The following XYLT1 variants were observed in gnomAD, a reference collection of about 807,000 sequenced individuals.
XYLT1 encodes xylosyltransferase 1, also known as beta-D-xylosyltransferase 1.
In XYLT1, 36 loss-of-function variants were observed where a neutral mutation model predicts 91.3. The ratio of observed to expected loss-of-function variants is 0.39; its 90% confidence interval spans 0.30 to 0.52. XYLT1 has a LOEUF of 0.52. Among genes scored for constraint, XYLT1 ranks in the 20% least tolerant of loss-of-function variants. The probability of loss-of-function intolerance (pLI) is 0.68; values close to 1 mark genes in which losing one functional copy is unlikely to be tolerated. For missense variants in XYLT1, 1,242 were observed against 1,284.5 expected (o/e 0.97, Z 0.51); for synonymous variants, 588 against 532.0 (o/e 1.11, Z -1.45).
intron 2 of XYLT1, among the ~76,000 whole-genome samples, chr16:17,344,892 T>C (rs1005465057): frequency 3.3e-5 from 5 of 151,892 alleles, no homozygotes; most frequent in Non-Finnish European, 5.9e-5. Context: ...GTAGAGACGG[T>C]GTTTCACCAT....
At chr16:17,214,108 C>T (rs2032812063) in intron 3 of XYLT1, among the ~76,000 whole-genome samples, 1 of 152,178 alleles carries the variant, frequency 6.6e-6, no homozygotes, top group Non-Finnish European at 1.5e-5. Context: ...CTTGCATTTC[C>T]CAGTGCCCCC....
intron 10 of XYLT1, 89 bp from the exon 11 acceptor site, chr16:17,118,068 C>T: frequency 7.5e-7 from 1 of 1,331,066 alleles, no homozygotes; most frequent in South Asian, 1.5e-5. Context: ...TGTTAGCTTT[C>T]ATATACCCAT....
chr16:17,352,174 C>T (rs542603403), intron 2 of XYLT1, among the ~76,000 whole-genome samples: 7 of 152,216 alleles, frequency 4.6e-5, no homozygotes, highest in African/African-American at 9.6e-5. Flanking sequence ...GTCTCCTTGG[C>T]GGTCAAAATT....
At chr16:17,129,481 C>T (rs1283234348) in intron 9 of XYLT1, among the ~76,000 whole-genome samples, 4 of 152,092 alleles carry the variant, frequency 2.6e-5, no homozygotes, top group Non-Finnish European at 5.9e-5. Context: ...AGGCTGGTCT[C>T]AAACTCACTC....
chr16:17,183,183 G>A (rs115014838), intron 5 of XYLT1, among the ~76,000 whole-genome samples: 171 of 152,324 alleles, frequency 1.1e-3, no homozygotes, highest in African/African-American at 4.0e-3. Flanking sequence ...TCTGAGTCCT[G>A]GTGCTGTTCT....
intron 1 of XYLT1, among the ~76,000 whole-genome samples, chr16:17,400,525 G>C (rs1484927671): frequency 6.6e-6 from 1 of 151,504 alleles, no homozygotes; most frequent in East Asian, 1.9e-4. Context: ...GGGAGGCGGA[G>C]GTTACAGTGA....
intron 1 of XYLT1, among the ~76,000 whole-genome samples, chr16:17,366,510 T>C (rs1036514007): frequency 5.3e-5 from 8 of 152,052 alleles, no homozygotes; most frequent in Non-Finnish European, 5.9e-5. Flanking sequence ...GCCTGACCAA[T>C]ATGGTGAAAC....
In XYLT1 at chr16:17,158,990, A is replaced by G. The variant is rs1178355144; in HGVS notation, c.1290-81T>C. The G allele has an allele frequency of 3.1e-6, 4 of 1,270,594 alleles. No homozygotes were observed. In the African/African-American group the frequency reaches 5.9e-5, roughly 19 times the overall value. The allele number at this position is 1,270,594 out of a possible 1,614,324, so 78.7% of individuals were successfully genotyped here. A position where few individuals can be genotyped will look rare whatever the true frequency, so the allele number is the denominator to read the frequency against. On this transcript the variant is annotated intron_variant, in intron 5 of 11. Coordinates refer to ENST00000261381, the MANE Select transcript of XYLT1 (RefSeq NM_022166.4). ...TCACAGAAAGCAAGTTTCACCAATTATGTCAGTCTGCTTGAAGCACCTTCT... is the reference window on the plus strand; with the variant it reads ...TCACAGAAAGCAAGTTTCACCAATTGTGTCAGTCTGCTTGAAGCACCTTCT...
chr16:17,180,538 C>G (rs2032044937), intron 5 of XYLT1, among the ~76,000 whole-genome samples: 1 of 152,122 alleles, frequency 6.6e-6, no homozygotes. Flanking sequence ...TGAGGAGAAT[C>G]CCTCCCTGGA....
At chr16:17,269,578 T>A (rs76533778) in intron 2 of XYLT1, among the ~76,000 whole-genome samples, 3,345 of 152,214 alleles carry the variant, frequency 0.022, 119 homozygotes, top group African/African-American at 0.075. Flanking sequence ...GCTGCCAAAA[T>A]AATTTACTGT....
At chr16:17,423,886 T>C (rs1328268658) in intron 1 of XYLT1, among the ~76,000 whole-genome samples, 1 of 152,174 alleles carries the variant, frequency 6.6e-6, no homozygotes, top group Non-Finnish European at 1.5e-5. Context: ...AGGATTACTG[T>C]TATTTCATGA....
At chr16:17,226,289 TACC>T (rs2033065246) in intron 3 of XYLT1, among the ~76,000 whole-genome samples, 8 of 152,178 alleles carry the variant, frequency 5.3e-5, no homozygotes, top group Admixed American at 3.9e-4. Context: ...CAGAGCCACA[TACC>T]GTAGGGACAT....
In XYLT1 at chr16:17,227,756, A is replaced by C. The variant is rs560662396; in HGVS notation, c.914-27102T>G. 233 of 152,454 alleles carry C rather than the reference A, an allele frequency of 1.5e-3. 1 individual carries two copies. The highest frequency in any genetic ancestry group is 6.3e-4 in the Non-Finnish European group (43 of 68,100). 9.4% of individuals were successfully genotyped at this position (152,454 alleles called of 1,614,324 possible). On this transcript the variant is annotated intron_variant, in intron 3 of 11. Transcript: ENST00000261381. ...ACAGAGGCAGAAATGGAGCAGGAGA[A>C]AGAGTTGGGAAGTGACTGTAATACT...
chr16:17,440,436 A>G (rs941924868), intron 1 of XYLT1, among the ~76,000 whole-genome samples: 4 of 152,190 alleles, frequency 2.6e-5, no homozygotes, highest in African/African-American at 9.7e-5. Context: ...ATACACACAT[A>G]ATTACAGTCA....
rs561902148 is a variant in XYLT1 at position 17,107,564 on chromosome 16, A to C, written c.*1131T>G. ...GCATGAAATTAAAAACCAAATCTGA[A>C]ATGCTATTTCCTGGACGGGAAAAGT... On this transcript the variant is annotated 3_prime_UTR_variant, in exon 12 of 12. Coordinates refer to ENST00000261381, the MANE Select transcript of XYLT1 (RefSeq NM_022166.4). 5.2e-5 allele frequency: 8 copies of C among 152,754 alleles called. No individual in the cohort carries two copies. The South Asian group carries it at 1.7e-3, about 32-fold the overall frequency. 9.5% of individuals were successfully genotyped at this position (152,754 alleles called of 1,614,324 possible). A position where few individuals can be genotyped will look rare whatever the true frequency, so the allele number is the denominator to read the frequency against.
At chr16:17,190,012 C>T (rs2032272863) in intron 5 of XYLT1, among the ~76,000 whole-genome samples, 1 of 152,166 alleles carries the variant, frequency 6.6e-6, no homozygotes, top group Non-Finnish European at 1.5e-5. Flanking sequence ...TGCCATTGCA[C>T]TCCAGCCTGG....
chr16:17,133,398 G>T (rs545345215), intron 9 of XYLT1, among the ~76,000 whole-genome samples: 1 of 152,074 alleles, frequency 6.6e-6, no homozygotes, highest in African/African-American at 2.4e-5. Context: ...TCAAAAGAGA[G>T]AATGGAAAAA....
chr16:17,241,687 T>A (rs1348576629), intron 3 of XYLT1, among the ~76,000 whole-genome samples: 2 of 152,220 alleles, frequency 1.3e-5, no homozygotes, highest in Admixed American at 1.3e-4. Context: ...ACTTGCTGCT[T>A]CCTTACGAGT....
chr16:17,350,636 G>A (rs1480181825), intron 2 of XYLT1, among the ~76,000 whole-genome samples: 6 of 152,236 alleles, frequency 3.9e-5, no homozygotes, highest in South Asian at 2.1e-4. Flanking sequence ...GGAGGCTGAC[G>A]GGGGAAAAAA....
Sources: gnomAD v4.1 joint callset for allele counts (sites outside exome capture counted in the v4.1 genomes callset) on GRCh38, gnomAD v4.1.1 for gene constraint, MANE v1.5 for transcripts, NCBI Gene and HGNC (gene_info 2026-07-23, HGNC 2026-07-21) for gene names.